The following GLB1 variants were observed in gnomAD, a reference collection of about 807,000 sequenced individuals.
GLB1 encodes the protein galactosidase beta 1.
GLB1 carries 56 observed loss-of-function variants against 74.0 expected under a neutral mutation model. That is an observed-to-expected ratio of 0.76 (90% CI 0.61 to 0.94). GLB1 has a LOEUF of 0.94. Among genes scored for constraint, GLB1 ranks in the 40% least tolerant of loss-of-function variants. The pLI is 0.00. For missense variants in GLB1, 787 were observed against 845.5 expected, an observed-to-expected ratio of 0.93 and a Z score of 0.86; for synonymous variants, 323 against 323.6, an observed-to-expected ratio of 1.00 and a Z score of 0.02.
rs1447194193 is a variant in GLB1, at chr3:33,058,118, C to A, written c.704G>T (p.Gly235Val). The A allele has an allele frequency of 6.2e-7, 1 of 1,614,014 alleles. No individual in the cohort carries two copies. Among genetic ancestry groups the A allele is most frequent in the Non-Finnish European group, 8.5e-7 (1 of 1,180,016 alleles). Reference protein sequence around the residue: ...KTFLKCGALQGLYTTVDFGTG... With the variant: ...KTFLKCGALQVLYTTVDFGTG... ...TCCAAAGTCCACCGTGGTGTAGAGGCCCTGCAGGGCCCCACATTTCAGGAA... is the reference window on the plus strand; with the variant it reads ...TCCAAAGTCCACCGTGGTGTAGAGGACCTGCAGGGCCCCACATTTCAGGAA... The change falls in exon 6 of 16, where the codon GGC becomes GTC. Residue 235 changes from glycine (G) to valine (V), a missense_variant. Physicochemically the swap from Gly to Val is moderately radical, Grantham distance 109. Transcript: ENST00000307363.
At chr3:33,062,464 T>C (rs1411672949) in intron 5 of GLB1, among the ~76,000 whole-genome samples, 1 of 152,132 alleles carries the variant, frequency 6.6e-6, no homozygotes, top group Non-Finnish European at 1.5e-5. Context: ...CCATCAGCCT[T>C]GGCCCTTTTA....
intron 10 of GLB1, among the ~76,000 whole-genome samples, chr3:33,036,824 C>T (rs563017307): frequency 1.2e-4 from 19 of 152,174 alleles, no homozygotes; most frequent in African/African-American, 4.3e-4. Context: ...GGCAAATTCA[C>T]AGAGACAGAA....
At chr3:33,033,588 G>A (rs1698145807) in intron 10 of GLB1, among the ~76,000 whole-genome samples, 1 of 152,078 alleles carries the variant, frequency 6.6e-6, no homozygotes, top group African/African-American at 2.4e-5. Flanking sequence ...TTCGAGACCA[G>A]CCTGGTCAAC....
intron 15 of GLB1, among the ~76,000 whole-genome samples, chr3:33,007,273 T>C (rs913652870): frequency 2.6e-5 from 4 of 152,234 alleles, no homozygotes; most frequent in Admixed American, 6.5e-5. Flanking sequence ...TTTAGTATAC[T>C]ACAGAGCTGC....
intron 1 of GLB1, among the ~76,000 whole-genome samples, chr3:33,074,661 G>T (rs538937304): frequency 1.3e-5 from 2 of 152,120 alleles, no homozygotes; most frequent in African/African-American, 2.4e-5. Context: ...GGTGGATAAG[G>T]CAGCAACAGG....
In GLB1 at chr3:33,083,095, C is replaced by T. The variant is rs1455953270; in HGVS notation, c.76-10382G>A. 3.3e-5 allele frequency among the ~76,000 whole-genome samples: 5 copies of T among 152,090 alleles called. No individual in the cohort carries two copies. In the East Asian group the frequency reaches 5.8e-4, roughly 18 times the overall value. The stretch of plus-strand genomic sequence containing the variant: ...GAGCTGTGGAACTACTGACAGAAGG[C>T]GATCAAAAAAAGTGGGAATAGGCCA... On this transcript the variant is annotated intron_variant, in intron 1 of 15. Coordinates refer to ENST00000307363, the MANE Select transcript of GLB1 (RefSeq NM_000404.4).
At position 33,024,223 on chromosome 3, in the gene GLB1, C is replaced by A. The variant is rs149712618; in HGVS notation, c.1143+28G>T. ...CTTTCTCACTCCCATCTCTCACTTT[C>A]AAAGTTTCTGTTATTTTTTTTTCTT... is the stretch of plus-strand genomic sequence containing the variant. On this transcript the variant is annotated intron_variant, in intron 11 of 15. Transcript: ENST00000307363. 1.6e-5 allele frequency: 26 copies of A among 1,592,066 alleles called. No individual in the cohort carries two copies. The Middle Eastern group carries it at 9.9e-4, about 61-fold the overall frequency.
chr3:33,040,393 C>T (rs1698448645), intron 10 of GLB1, among the ~76,000 whole-genome samples: 1 of 151,970 alleles, frequency 6.6e-6, no homozygotes, highest in African/African-American at 2.4e-5. Context: ...ATGAGTGAGC[C>T]CAGGAGTTCA....
intron 10 of GLB1, among the ~76,000 whole-genome samples, chr3:33,036,678 A>G (rs7614585): frequency 0.86 from 130,368 of 152,196 alleles, 56,615 homozygotes; most frequent in Admixed American, 0.93. Flanking sequence ...ATATACGCAT[A>G]CAATGGAATA....
In GLB1 at chr3:33,088,543, A is replaced by G. The variant is rs539224795; in HGVS notation, c.75+8468T>C. 6.6e-5 allele frequency among the ~76,000 whole-genome samples: 10 copies of G among 152,296 alleles called. No homozygotes were observed. The East Asian group carries it at 1.9e-3, about 29-fold the overall frequency. ...AATTTCAAAAAATTCCATATATAAA[A>G]GCATCAAAAAGAATAAAATACTTAG... On this transcript the variant is annotated intron_variant, in intron 1 of 15. Transcript: ENST00000307363.
At chr3:33,089,568 T>C (rs1700662614) in intron 1 of GLB1, among the ~76,000 whole-genome samples, 1 of 152,176 alleles carries the variant, frequency 6.6e-6, no homozygotes, top group Admixed American at 6.5e-5. Context: ...AGAGTATTAC[T>C]GTAGTCCAGC....
At chr3:33,076,290 G>A (rs1164729166) in intron 1 of GLB1, among the ~76,000 whole-genome samples, 1 of 152,202 alleles carries the variant, frequency 6.6e-6, no homozygotes. Context: ...CTACAGGCCA[G>A]GAGCCACAGA....
the GLB1 span, among the ~76,000 whole-genome samples, chr3:32,985,404 C>T: frequency 6.6e-6 from 1 of 151,958 alleles, no homozygotes; most frequent in Admixed American, 6.6e-5. Flanking sequence ...GATTCTCCTG[C>T]CTTAGCCTCC....
intron 3 of GLB1, 68 bp downstream of exon 3, chr3:33,068,752 C>T (rs1699786494): frequency 6.2e-7 from 1 of 1,611,756 alleles, no homozygotes; most frequent in Admixed American, 1.7e-5. Flanking sequence ...GCTTTAATTC[C>T]CTTTGCCCCA....
intron 1 of GLB1, chr3:33,077,567 A>G (rs960318568): frequency 3.3e-6 from 2 of 605,866 alleles, no homozygotes; most frequent in South Asian, 2.2e-5. Context: ...GAAAACTGCA[A>G]TTTGGTTCCA....
chr3:32,967,299 A>C, the GLB1 span, among the ~76,000 whole-genome samples: 3 of 152,226 alleles, frequency 2.0e-5, no homozygotes, highest in African/African-American at 7.2e-5. Context: ...CCAGATCAAC[A>C]TACAAAAAAC....
intron 1 of GLB1, chr3:33,094,251 T>C (rs976066325): frequency 1.3e-6 from 2 of 1,525,910 alleles, no homozygotes; most frequent in African/African-American, 2.8e-5. Context: ...ACTCTGGAAA[T>C]GAGTTCCTTA....
chr3:33,081,838 C>T (rs2125567940), intron 1 of GLB1, among the ~76,000 whole-genome samples: 1 of 152,344 alleles, frequency 6.6e-6, no homozygotes, highest in African/African-American at 2.4e-5. Flanking sequence ...GCCAGGCAAT[C>T]AGCAAGAGTA....
chr3:33,044,732 A>C (rs1698671612), intron 10 of GLB1, among the ~76,000 whole-genome samples: 1 of 152,222 alleles, frequency 6.6e-6, no homozygotes, highest in South Asian at 2.1e-4. Flanking sequence ...GCTTAAAATT[A>C]AAACGACATC....
Sources: gnomAD v4.1 joint callset for allele counts (sites outside exome capture counted in the v4.1 genomes callset) on GRCh38, gnomAD v4.1.1 for gene constraint, MANE v1.5 for transcripts, NCBI Gene and HGNC (gene_info 2026-07-23, HGNC 2026-07-21) for gene names.